Variants in SLC30A8 observed in about 807,000 individuals in gnomAD.
The protein encoded by SLC30A8 is proton-coupled zinc antiporter SLC30A8.
A neutral mutation model predicts 36.9 loss-of-function variants in SLC30A8; 27 were observed. That is an observed-to-expected ratio of 0.73 (90% CI 0.54 to 1.01). The LOEUF (loss-of-function observed/expected upper bound fraction) is 1.01, where lower values mean the gene tolerates loss of function less well. Ranked by LOEUF, SLC30A8 falls within the 50% of genes least tolerant of loss-of-function variation. SLC30A8 has a pLI of 0.00. For synonymous variants in SLC30A8, 164 were observed against 172.4 expected (o/e 0.95, Z 0.38); for missense variants, 439 against 452.0 (o/e 0.97, Z 0.26).
chr8:117,111,851 T>C (rs1169398484), intron 2 of SLC30A8, among the ~76,000 whole-genome samples: 1 of 152,096 alleles, frequency 6.6e-6, no homozygotes, highest in Non-Finnish European at 1.5e-5. Context: ...CTGCTCCTGG[T>C]TGAGGCATTT....
rs139644644 is a variant in SLC30A8, at chr8:117,065,991, G to A, written c.-226+26733G>A. 2.8e-4 allele frequency among the ~76,000 whole-genome samples: 42 copies of A among 152,244 alleles called. 1 individual carries two copies. The East Asian group carries it at 7.5e-3, about 27-fold the overall frequency. ...CAGATGGATCCCATGGCCCCATTCT[G>A]TATTATTCCTTCCCTCAGCACTTCA... On this transcript the variant is annotated intron_variant, in intron 2 of 10. Coordinates refer to the SLC30A8 transcript ENST00000427715.
intron 1 of SLC30A8, among the ~76,000 whole-genome samples, chr8:116,980,568 G>T (rs1815215787): frequency 6.6e-6 from 1 of 152,122 alleles, no homozygotes; most frequent in South Asian, 2.1e-4. Flanking sequence ...TTGGCAAAAA[G>T]ACTTTCATTT....
At chr8:117,124,252 G>C (rs17738173) in intron 2 of SLC30A8, among the ~76,000 whole-genome samples, 3,799 of 152,024 alleles carry the variant, frequency 0.025, 70 homozygotes, top group Non-Finnish European at 0.038. Flanking sequence ...GGGGAGTAAA[G>C]GATTGTGCCA....
chr8:117,166,098 A>AT (rs984050441), intron 6 of SLC30A8, among the ~76,000 whole-genome samples: 2 of 152,178 alleles, frequency 1.3e-5, no homozygotes, highest in African/African-American at 4.8e-5. Flanking sequence ...ACAATAATAT[A>AT]TAGTTCCAAA....
intron 2 of SLC30A8, among the ~76,000 whole-genome samples, chr8:117,095,250 T>G (rs1051047171): frequency 3.3e-5 from 5 of 152,242 alleles, no homozygotes; most frequent in African/African-American, 1.2e-4. Context: ...GATGGGCCGC[T>G]GCTGTCATCA....
At chr8:117,023,385 G>A (rs1182900400) in intron 1 of SLC30A8, among the ~76,000 whole-genome samples, 1 of 152,146 alleles carries the variant, frequency 6.6e-6, no homozygotes, top group African/African-American at 2.4e-5. Flanking sequence ...ATACCCAAAG[G>A]ATTATAAATC....
rs1160412594 is a variant in SLC30A8, at chr8:116,976,844, GTC to G, written c.-266+25733_-266+25734del. The stretch of plus-strand genomic sequence containing the variant: ...TTTCTTTTTTTTTTTTTTTTACAGA[GTC>G]TCTCTCTGTTGCCAGGCTGGAGTGC... On this transcript the variant is annotated intron_variant, in intron 1 of 10. Transcript: ENST00000427715. Among the ~76,000 whole-genome samples the G allele has an allele frequency of 2.4e-5, 3 of 125,274 alleles. No individual in the cohort carries two copies. In the South Asian group the frequency reaches 6.8e-4, roughly 29 times the overall value. 82.2% of individuals were successfully genotyped at this position (125,274 alleles called of 152,430 possible). A position where few individuals can be genotyped will look rare whatever the true frequency, so the allele number is the denominator to read the frequency against.
intron 2 of SLC30A8, among the ~76,000 whole-genome samples, chr8:117,099,203 G>C (rs1819604256): frequency 6.6e-6 from 1 of 152,062 alleles, no homozygotes; most frequent in Non-Finnish European, 1.5e-5. Flanking sequence ...AACAGTCTTG[G>C]TTCTGTCCTG....
At chr8:117,023,389 A>G (rs1816769415) in intron 1 of SLC30A8, among the ~76,000 whole-genome samples, 1 of 152,230 alleles carries the variant, frequency 6.6e-6, no homozygotes, top group African/African-American at 2.4e-5. Context: ...CCAAAGGATT[A>G]TAAATCATGC....
At chr8:117,141,640 C>A (rs544303337) in intron 1 of SLC30A8, among the ~76,000 whole-genome samples, 84 of 152,072 alleles carry the variant, frequency 5.5e-4, no homozygotes, top group South Asian at 1.7e-3. Flanking sequence ...TTTGAAGCAC[C>A]CATCACCTGA....
intron 5 of SLC30A8, among the ~76,000 whole-genome samples, chr8:117,163,144 T>C (rs1305354096): frequency 1.3e-5 from 2 of 152,242 alleles, no homozygotes; most frequent in Non-Finnish European, 2.9e-5. Context: ...AAATCAGGGC[T>C]CTTGAGAGCA....
intron 2 of SLC30A8, among the ~76,000 whole-genome samples, chr8:117,112,868 CT>C (rs113157426): frequency 0.056 from 8,566 of 152,126 alleles, 642 homozygotes; most frequent in African/African-American, 0.17. Context: ...GGAGTCAGCA[CT>C]TTCTTTGTTT....
intron 1 of SLC30A8, among the ~76,000 whole-genome samples, chr8:116,996,253 A>G (rs1311424293): frequency 4.6e-5 from 7 of 152,224 alleles, no homozygotes; most frequent in African/African-American, 1.2e-4. Flanking sequence ...CTCTTCTTAT[A>G]GGAGGAAACT....
intron 1 of SLC30A8, among the ~76,000 whole-genome samples, chr8:117,024,044 C>G (rs1165411939): frequency 6.6e-6 from 1 of 152,044 alleles, no homozygotes; most frequent in Non-Finnish European, 1.5e-5. Context: ...CATGATTAAA[C>G]TTGGAATTAC....
chr8:116,989,464 A>G (rs1390713340), intron 1 of SLC30A8, among the ~76,000 whole-genome samples: 2 of 152,154 alleles, frequency 1.3e-5, no homozygotes, highest in Non-Finnish European at 2.9e-5. Flanking sequence ...ACCTCATCCT[A>G]TATTGTTTAT....
intron 2 of SLC30A8, 78 bp downstream of exon 2, chr8:117,147,231 T>C: frequency 8.0e-7 from 1 of 1,243,132 alleles, no homozygotes; most frequent in Non-Finnish European, 1.2e-6. Context: ...ACCTAAGTTC[T>C]TATAAAGTAA....
chr8:116,974,970 G>C (rs1814934209), intron 1 of SLC30A8, among the ~76,000 whole-genome samples: 1 of 147,246 alleles, frequency 6.8e-6, no homozygotes, highest in Non-Finnish European at 1.5e-5. Flanking sequence ...CTCACTCATA[G>C]GTGGGAATTG....
chr8:117,097,841 A>T (rs1200701176), intron 2 of SLC30A8, among the ~76,000 whole-genome samples: 1 of 81,454 alleles, frequency 1.2e-5, no homozygotes, highest in African/African-American at 4.9e-5. Flanking sequence ...ATAATATATA[A>T]TTTTAAATAA....
intron 1 of SLC30A8, among the ~76,000 whole-genome samples, chr8:116,957,557 C>T (rs1305709451): frequency 1.3e-5 from 2 of 152,182 alleles, no homozygotes; most frequent in Admixed American, 1.3e-4. Flanking sequence ...AGGCGTGAGC[C>T]ACCATGCCCT....
Sources: allele counts gnomAD v4.1 joint callset (sites outside exome capture counted in the v4.1 genomes callset), GRCh38; gene constraint gnomAD v4.1.1; transcripts MANE v1.5; gene names NCBI Gene and HGNC (gene_info 2026-07-23, HGNC 2026-07-21).